Variants in ZC3H11A observed in about 807,000 individuals in gnomAD.
ZC3H11A encodes zinc finger CCCH domain-containing protein 11A.
ZC3H11A carries 22 observed loss-of-function variants against 90.8 expected under a neutral mutation model. That is an observed-to-expected ratio of 0.24 (90% CI 0.17 to 0.35). ZC3H11A has a LOEUF of 0.35. Ranked by LOEUF, ZC3H11A falls within the 10% of genes least tolerant of loss-of-function variation. ZC3H11A has a pLI of 1.00. For synonymous variants in ZC3H11A, 294 were observed against 339.8 expected, an observed-to-expected ratio of 0.87 and a Z score of 1.48; for missense variants, 701 against 964.9, an observed-to-expected ratio of 0.73 and a Z score of 3.62.
At position 203,849,848 on chromosome 1, in the gene ZC3H11A, T is replaced by C. The variant is rs1455813724; in HGVS notation, c.1761T>C (p.Ser587=). 6.2e-7 allele frequency: 1 copy of C among 1,614,034 alleles called. No individual in the cohort carries two copies. The highest frequency in any genetic ancestry group is 1.1e-5 in the South Asian group (1 of 91,082). Residue 587 remains serine, a synonymous_variant, in exon 15 of 18, where the codon TCT becomes TCC. Coordinates refer to ENST00000367210, the MANE Select transcript of ZC3H11A (RefSeq NM_001376342.1). ...CACCTCTTCGGGGAGATGTAGCCTC[T>C]TGCAATACCCAAGTGGCAGAGAAAC... ...VLTPLRGDVA[S]CNTQVAEKPV...
intron 17 of ZC3H11A, 36 bp downstream of exon 17, chr1:203,851,160 G>A (rs189297472): frequency 3.1e-6 from 5 of 1,600,390 alleles, no homozygotes; most frequent in African/African-American, 2.7e-5. Flanking sequence ...CAAACTCCAG[G>A]CCCCTGTTAC....
chr1:203,798,938 A>G, intron 1 of ZC3H11A: 2 of 1,536,108 alleles, frequency 1.3e-6, no homozygotes, highest in Non-Finnish European at 1.7e-6. Flanking sequence ...TCTTAACTTT[A>G]GAGAATGTTC....
chr1:203,798,178 C>T, intron 1 of ZC3H11A: 2 of 1,536,092 alleles, frequency 1.3e-6, no homozygotes, highest in Non-Finnish European at 8.7e-7. Flanking sequence ...GAATATATTC[C>T]TACTGATCCA....
At position 203,840,487 on chromosome 1, in the gene ZC3H11A, T is replaced by G; in HGVS notation, c.1042+113T>G. ...AGGGCTTTTGATTTTTGTTCTTTTGTAGTTCTGTTTGTTTTTTAAGTAATT... is the reference window on the plus strand; with the variant it reads ...AGGGCTTTTGATTTTTGTTCTTTTGGAGTTCTGTTTGTTTTTTAAGTAATT... On this transcript the variant is annotated intron_variant, in intron 12 of 17. Coordinates refer to ENST00000367210, the MANE Select transcript of ZC3H11A (RefSeq NM_001376342.1). 16 of 1,052,490 alleles carry G rather than the reference T, an allele frequency of 1.5e-5. No homozygotes were observed. In the South Asian group the frequency reaches 2.6e-4, roughly 17 times the overall value. The allele number at this position is 1,052,490 out of a possible 1,614,324, so 65.2% of individuals were successfully genotyped here. A position where few individuals can be genotyped will look rare whatever the true frequency, so the allele number is the denominator to read the frequency against.
intron 4 of ZC3H11A, among the ~76,000 whole-genome samples, chr1:203,822,080 T>A (rs1318593432): frequency 6.6e-6 from 1 of 152,162 alleles, no homozygotes; most frequent in Non-Finnish European, 1.5e-5. Context: ...AATAGATACA[T>A]AGTATTACAA....
chr1:203,817,052 A>C lies in ZC3H11A; in HGVS notation c.-19A>C, dbSNP rs746741384. The C allele has an allele frequency of 6.3e-7, 1 of 1,598,500 alleles. No individual in the cohort carries two copies. Among genetic ancestry groups the C allele is most frequent in the Non-Finnish European group, 8.5e-7 (1 of 1,173,534 alleles). On this transcript the variant is annotated 5_prime_UTR_variant, in exon 3 of 18. Transcript: ENST00000367210. ...GGCTTGTTTCAAGAAGCCACTTCTG[A>C]TCTAAGAATCTACCCAGCATGCCTA...
chr1:203,841,318 G>A (rs1363358241), intron 12 of ZC3H11A, among the ~76,000 whole-genome samples: 2 of 152,114 alleles, frequency 1.3e-5, no homozygotes, highest in African/African-American at 4.8e-5. Context: ...TGCAGTGTTT[G>A]TGTCCCTGGG....
At chr1:203,837,290 CAA>C (rs11372939) in intron 10 of ZC3H11A, among the ~76,000 whole-genome samples, 5 of 141,418 alleles carry the variant, frequency 3.5e-5, no homozygotes, top group Non-Finnish European at 3.1e-5. Context: ...GATCCTGTCT[CAA>C]AAAAAAAAAA....
chr1:203,816,846 A>G (rs1282328617), intron 2 of ZC3H11A, 80 bp from the exon 3 acceptor site: 2 of 456,420 alleles, frequency 4.4e-6, no homozygotes, highest in Non-Finnish European at 7.9e-6. Context: ...GACTCTAGCA[A>G]TACGATCTCA....
intron 1 of ZC3H11A, chr1:203,797,954 G>T (rs1669189128): frequency 6.5e-7 from 1 of 1,536,036 alleles, no homozygotes; most frequent in Non-Finnish European, 8.7e-7. Flanking sequence ...TTGACCCCCA[G>T]TACACCTGGC....
chr1:203,829,895 A>C lies in ZC3H11A; in HGVS notation c.618A>C (p.Gln206His), dbSNP rs775667583. 1 of 1,612,894 alleles carries C rather than the reference A, an allele frequency of 6.2e-7. No homozygotes were observed. Among genetic ancestry groups the C allele is most frequent in the Non-Finnish European group, 8.5e-7 (1 of 1,178,966 alleles). ...SVRKPAVNIKQGECLNFGIKT... is the reference protein window; with the variant it reads ...SVRKPAVNIKHGECLNFGIKT... ...GGAAACCTGCAGTCAATATAAAGCA[A>C]GGTAAGAAGAGGCTAGATTGGTGCC... is the stretch of plus-strand genomic sequence containing the variant. Residue 206 changes from glutamine (Q) to histidine (H), a missense_variant and splice_region_variant, in exon 7 of 18, where the codon CAA becomes CAC. Transcript: ENST00000367210.
At chr1:203,850,703 TG>T in intron 16 of ZC3H11A, 22 bp downstream of exon 16, 1 of 1,607,972 alleles carries the variant, frequency 6.2e-7, no homozygotes. Flanking sequence ...ATTCACTTTG[TG>T]GTGCTTTATT....
intron 11 of ZC3H11A, among the ~76,000 whole-genome samples, chr1:203,838,358 T>C (rs1480390418): frequency 6.6e-6 from 1 of 152,224 alleles, no homozygotes; most frequent in Non-Finnish European, 1.5e-5. Context: ...TGGTAACACA[T>C]AGGAGAGGCA....
intron 1 of ZC3H11A, chr1:203,797,464 C>A: frequency 7.1e-7 from 1 of 1,412,080 alleles, no homozygotes; most frequent in Non-Finnish European, 9.3e-7. Flanking sequence ...AGCTGTATTT[C>A]TGCTTGAGTA....
chr1:203,804,275 CCGAGTAGCTGGGA>C (rs1403636733), intron 2 of ZC3H11A, among the ~76,000 whole-genome samples: 3 of 151,846 alleles, frequency 2.0e-5, no homozygotes, highest in Non-Finnish European at 4.4e-5. Flanking sequence ...CCTCAGCCTC[CCGAGTAGCTGGGA>C]CTACAGGCAC....
In ZC3H11A at chr1:203,826,622, T is replaced by TA. The variant is rs556946946; in HGVS notation, c.175-1676dup. Among the ~76,000 whole-genome samples, 581 of 152,284 alleles carry TA rather than the reference T, an allele frequency of 3.8e-3. 1 individual carries two copies. Among genetic ancestry groups the TA allele is most frequent in the Non-Finnish European group, 6.2e-3 (421 of 68,000 alleles). On this transcript the variant is annotated intron_variant, in intron 4 of 17. Coordinates refer to ENST00000367210, the MANE Select transcript of ZC3H11A (RefSeq NM_001376342.1). ...AGATTTTGACCTTTGCCCTTTTTGA[T>TA]ACATTTAAGCATCTTTTTGTAATGG...
At chr1:203,842,923 T>C (rs1429289761) in intron 12 of ZC3H11A, among the ~76,000 whole-genome samples, 1 of 62,802 alleles carries the variant, frequency 1.6e-5, no homozygotes, top group Non-Finnish European at 4.0e-5. Context: ...CAGCCTTCCG[T>C]CTTTTTTTTT....
chr1:203,852,034 T>C lies in ZC3H11A; in HGVS notation c.2175-107T>C, dbSNP rs1689439432. ...TCAGTAAAAGAATTATTTCTTTATG[T>C]ATGTTCTTAAAAACAAATTTTTGCT... On this transcript the variant is annotated intron_variant, in intron 17 of 17. Transcript: ENST00000367210. The C allele has an allele frequency of 5.3e-6, 6 of 1,142,032 alleles. No individual in the cohort carries two copies. The East Asian group carries it at 1.5e-4, about 28-fold the overall frequency. The allele number at this position is 1,142,032 out of a possible 1,614,324, so 70.7% of individuals were successfully genotyped here. A position where few individuals can be genotyped will look rare whatever the true frequency, so the allele number is the denominator to read the frequency against.
At chr1:203,809,740 G>GGT (rs1284894720) in intron 2 of ZC3H11A, among the ~76,000 whole-genome samples, 3 of 152,058 alleles carry the variant, frequency 2.0e-5, no homozygotes, top group Non-Finnish European at 4.4e-5. Context: ...GATCACTTGA[G>GGT]GTCAGGAGTT....
Sources: allele counts gnomAD v4.1 joint callset (sites outside exome capture counted in the v4.1 genomes callset), GRCh38; gene constraint gnomAD v4.1.1; transcripts MANE v1.5; gene names NCBI Gene and HGNC (gene_info 2026-07-23, HGNC 2026-07-21).